TPD52L1: variants seen among roughly 807,000 people sequenced by gnomAD.
TPD52L1 encodes the protein tumor protein D53.
TPD52L1 carries 18 observed loss-of-function variants against 28.7 expected under a neutral mutation model. The ratio of observed to expected loss-of-function variants is 0.63; its 90% CI spans 0.43 to 0.93. The LOEUF is 0.93. Among genes scored for constraint, TPD52L1 ranks in the 40% least tolerant of loss-of-function variants. The probability of loss-of-function intolerance (pLI) is 0.00; values close to 1 mark genes in which losing one functional copy is unlikely to be tolerated. For missense variants in TPD52L1, 203 were observed against 254.8 expected, an observed-to-expected ratio of 0.80 and a Z score of 1.39; for synonymous variants, 75 against 88.8, an observed-to-expected ratio of 0.84 and a Z score of 0.88.
Position 125,229,234 on chromosome 6 carries a change from C to G in TPD52L1, c.252C>G (p.Ser84Arg). The G allele has an allele frequency of 1.2e-6, 2 of 1,613,304 alleles. No individual in the cohort carries two copies. The highest frequency in any genetic ancestry group is 1.7e-6 in the Non-Finnish European group (2 of 1,179,628). The change falls in exon 3 of 7, where the codon AGC becomes AGG. Residue 84 changes from serine to arginine, a missense_variant. Transcript: ENST00000534000. ...TGAATGAATTAAAACAGAACTTCAG[C>G]AAAAGCTGGCATGACATGCAGACTA... Reference protein sequence around the residue: ...NLMNELKQNFSKSWHDMQTTT... With the variant: ...NLMNELKQNFRKSWHDMQTTT...
chr6:125,183,064 A>C (rs533635513), intron 1 of TPD52L1, among the ~76,000 whole-genome samples: 42 of 152,344 alleles, frequency 2.8e-4, no homozygotes, highest in African/African-American at 9.6e-4. Flanking sequence ...GAAAAGAATA[A>C]AAGCAACATT....
At chr6:125,253,865 TG>T in intron 5 of TPD52L1, 110 bp downstream of exon 5, 1 of 1,063,734 alleles carries the variant, frequency 9.4e-7, no homozygotes, top group South Asian at 1.2e-5. Context: ...AGGAAATTGC[TG>T]ATGGTCTTCA....
chr6:125,260,752 G>A (rs2115071144), intron 6 of TPD52L1, among the ~76,000 whole-genome samples: 1 of 151,666 alleles, frequency 6.6e-6, no homozygotes, highest in South Asian at 2.1e-4. Flanking sequence ...GTTGGAGTAA[G>A]CCGAGATTGC....
chr6:125,154,600 C>T (rs1446446131), intron 1 of TPD52L1: 1 of 927,684 alleles, frequency 1.1e-6, no homozygotes. Context: ...CCCCGGCCGC[C>T]CAGCTCCCTG....
intron 1 of TPD52L1, among the ~76,000 whole-genome samples, chr6:125,218,566 T>C (rs1053505586): frequency 2.6e-5 from 4 of 152,206 alleles, no homozygotes; most frequent in Non-Finnish European, 5.9e-5. Context: ...TCATTTTCCA[T>C]ATAGCGTCTT....
intron 1 of TPD52L1, among the ~76,000 whole-genome samples, chr6:125,172,298 C>T (rs1791458498): frequency 1.6e-5 from 2 of 127,710 alleles, no homozygotes; most frequent in African/African-American, 3.0e-5. Flanking sequence ...TCTTTCTTTC[C>T]TTTTTCTTTC....
chr6:125,230,901 G>A (rs73579707), intron 3 of TPD52L1, among the ~76,000 whole-genome samples: 9,631 of 152,108 alleles, frequency 0.063, 455 homozygotes, highest in African/African-American at 0.13. Flanking sequence ...TGACAATTAC[G>A]GGAAAAAATA....
chr6:125,240,206 A>G (rs542866973), intron 3 of TPD52L1, among the ~76,000 whole-genome samples: 3 of 152,102 alleles, frequency 2.0e-5, no homozygotes, highest in Admixed American at 1.3e-4. Flanking sequence ...TACCAGTACC[A>G]TGCTATTTTG....
intron 3 of TPD52L1, among the ~76,000 whole-genome samples, chr6:125,232,738 T>G (rs1175248808): frequency 6.6e-6 from 1 of 152,150 alleles, no homozygotes; most frequent in Non-Finnish European, 1.5e-5. Flanking sequence ...TAAGTAGGAA[T>G]AATTACACAG....
At chr6:125,230,356 A>G (rs766858147) in intron 3 of TPD52L1, among the ~76,000 whole-genome samples, 6 of 152,166 alleles carry the variant, frequency 3.9e-5, no homozygotes, top group Non-Finnish European at 5.9e-5. Flanking sequence ...TGATGAGGAA[A>G]TCACAGAGGC....
At chr6:125,207,900 T>A (rs770812719) in intron 1 of TPD52L1, among the ~76,000 whole-genome samples, 1 of 152,202 alleles carries the variant, frequency 6.6e-6, no homozygotes, top group Non-Finnish European at 1.5e-5. Flanking sequence ...ACCTGCCTAA[T>A]GTGTTTCTAG....
At chr6:125,160,774 A>G (rs1170837654) in intron 1 of TPD52L1, among the ~76,000 whole-genome samples, 1 of 151,382 alleles carries the variant, frequency 6.6e-6, no homozygotes, top group Non-Finnish European at 1.5e-5. Context: ...TCTTAGCCAG[A>G]TCTTCTGGAG....
intron 1 of TPD52L1, among the ~76,000 whole-genome samples, chr6:125,212,011 G>T (rs929441468): frequency 7.2e-5 from 11 of 151,900 alleles, no homozygotes; most frequent in Non-Finnish European, 1.5e-4. Flanking sequence ...GATTTTTTGT[G>T]GTCTTAAAGA....
intron 1 of TPD52L1, among the ~76,000 whole-genome samples, chr6:125,170,752 C>A (rs1245981420): frequency 1.3e-5 from 2 of 152,074 alleles, no homozygotes; most frequent in African/African-American, 4.8e-5. Context: ...AAATTCTGAC[C>A]CTTCTTATTT....
intron 3 of TPD52L1, among the ~76,000 whole-genome samples, chr6:125,244,312 T>G (rs1385018693): frequency 1.3e-5 from 2 of 152,206 alleles, no homozygotes; most frequent in African/African-American, 4.8e-5. Context: ...GGTTAGGCAC[T>G]GGTTGTGGCT....
chr6:125,175,058 C>T (rs1052990814), intron 1 of TPD52L1, among the ~76,000 whole-genome samples: 4 of 152,116 alleles, frequency 2.6e-5, no homozygotes, highest in Admixed American at 1.3e-4. Context: ...ATCACCTTTA[C>T]TCTGCCTTAT....
intron 1 of TPD52L1, among the ~76,000 whole-genome samples, chr6:125,188,500 A>G (rs1013827654): frequency 2.6e-5 from 4 of 152,316 alleles, no homozygotes; most frequent in East Asian, 1.9e-4. Flanking sequence ...TCAAAAACTG[A>G]CACAGGGTAA....
At chr6:125,193,023 A>G (rs571161034) in intron 1 of TPD52L1, among the ~76,000 whole-genome samples, 1 of 152,322 alleles carries the variant, frequency 6.6e-6, no homozygotes, top group African/African-American at 2.4e-5. Context: ...ATTTAGTCTC[A>G]TTTAATCCTC....
chr6:125,194,481 C>T (rs527398785), intron 1 of TPD52L1, among the ~76,000 whole-genome samples: 3 of 152,270 alleles, frequency 2.0e-5, no homozygotes, highest in Admixed American at 6.5e-5. Context: ...TGGAATTCAA[C>T]GTCCTCTATG....
Sources: allele counts gnomAD v4.1 joint callset (sites outside exome capture counted in the v4.1 genomes callset), GRCh38; gene constraint gnomAD v4.1.1; transcripts MANE v1.5; gene names NCBI Gene and HGNC (gene_info 2026-07-23, HGNC 2026-07-21).